The following CTNNA2 variants were observed in gnomAD, a reference collection of about 807,000 sequenced individuals.
The protein encoded by CTNNA2 is catenin alpha-2.
Under a neutral mutation model 101.0 loss-of-function variants are expected in CTNNA2, and 42 were observed. The observed-to-expected ratio is 0.42, with a 90% CI of 0.32 to 0.54. CTNNA2 has a LOEUF of 0.54. CTNNA2 is among the 20% of genes least tolerant of loss of function. The pLI is 0.14. For synonymous variants in CTNNA2, 450 were observed against 456.4 expected (o/e 0.99, Z 0.18); for missense variants, 871 against 1,223.1 (o/e 0.71, Z 4.29).
chr2:80,603,935 A>G (rs1432214643), intron 15 of CTNNA2, 139 bp from the exon 16 acceptor site: 2 of 595,910 alleles, frequency 3.4e-6, no homozygotes, highest in African/African-American at 3.8e-5. Context: ...GGAGTTAAGC[A>G]GGAAAATATT....
chr2:79,261,516 G>T (rs1674921301), intron 2 of CTNNA2, among the ~76,000 whole-genome samples: 1 of 152,214 alleles, frequency 6.6e-6, no homozygotes, highest in Non-Finnish European at 1.5e-5. Context: ...GAGGCTAGAA[G>T]TCCAAGATCA....
At chr2:80,084,155 G>T (rs111922405) in intron 7 of CTNNA2, among the ~76,000 whole-genome samples, 25 of 152,236 alleles carry the variant, frequency 1.6e-4, no homozygotes, top group African/African-American at 5.1e-4. Flanking sequence ...TGTTTGTAAT[G>T]GGATTTAGGA....
chr2:80,223,239 T>C (rs147277089), intron 7 of CTNNA2, among the ~76,000 whole-genome samples: 2 of 152,314 alleles, frequency 1.3e-5, no homozygotes, highest in African/African-American at 4.8e-5. Flanking sequence ...TAATGAAGAA[T>C]ACTTGTTTTC....
intron 2 of CTNNA2, among the ~76,000 whole-genome samples, chr2:79,676,236 GGA>G (rs1683176096): frequency 1.3e-5 from 2 of 152,184 alleles, no homozygotes; most frequent in Non-Finnish European, 2.9e-5. Flanking sequence ...AACTTTTAGT[GGA>G]TCAAGAACTG....
intron 1 of CTNNA2, among the ~76,000 whole-genome samples, chr2:79,625,396 T>A (rs1397148844): frequency 6.6e-6 from 1 of 151,932 alleles, no homozygotes. Flanking sequence ...GAGTGTAGAG[T>A]CATATTAGGG....
At chr2:80,501,188 T>C (rs1003673124) in intron 9 of CTNNA2, among the ~76,000 whole-genome samples, 2 of 152,254 alleles carry the variant, frequency 1.3e-5, no homozygotes, top group Non-Finnish European at 2.9e-5. Flanking sequence ...TTAATGATTA[T>C]ATCCCTTATA....
In CTNNA2 at chr2:79,432,766, T is replaced by C. The variant is rs1014786848; in HGVS notation, c.-135+58753T>C. On this transcript the variant is annotated intron_variant, in intron 4 of 21. Coordinates refer to the CTNNA2 transcript ENST00000466387. ...CAGGAAGGCATCAAAGAGAAACTTATTCTCTGTCTCAATTTTATCAAAGGC... is the reference window on the plus strand; with the variant it reads ...CAGGAAGGCATCAAAGAGAAACTTACTCTCTGTCTCAATTTTATCAAAGGC... Among the ~76,000 whole-genome samples the C allele has an allele frequency of 2.0e-5, 3 of 152,234 alleles. No individual in the cohort carries two copies. In the East Asian group the frequency reaches 5.8e-4, roughly 29 times the overall value.
intron 18 of CTNNA2, among the ~76,000 whole-genome samples, chr2:80,625,359 T>C (rs901335656): frequency 6.6e-6 from 1 of 152,028 alleles, no homozygotes; most frequent in Non-Finnish European, 1.5e-5. Flanking sequence ...CTATGAAATA[T>C]GTTTTTTCAA....
intron 1 of CTNNA2, among the ~76,000 whole-genome samples, chr2:79,529,786 T>G (rs1672631519): frequency 6.6e-6 from 1 of 152,000 alleles, no homozygotes; most frequent in Non-Finnish European, 1.5e-5. Context: ...GAGGCAGTTG[T>G]AAGATCAAAT....
chr2:80,458,990 A>G (rs1451106224), intron 9 of CTNNA2, among the ~76,000 whole-genome samples: 1 of 152,190 alleles, frequency 6.6e-6, no homozygotes, highest in Non-Finnish European at 1.5e-5. Flanking sequence ...TTTACTGGTA[A>G]CTTTTCTATG....
chr2:79,630,789 C>T (rs56886052), intron 1 of CTNNA2, among the ~76,000 whole-genome samples: 18,942 of 152,154 alleles, frequency 0.12, 1,582 homozygotes, highest in East Asian at 0.36. Context: ...TCCAGACACA[C>T]ACATTAAACA....
At chr2:79,597,501 TAGAG>T (rs1677278934) in intron 1 of CTNNA2, among the ~76,000 whole-genome samples, 1 of 151,336 alleles carries the variant, frequency 6.6e-6, no homozygotes, top group Non-Finnish European at 1.5e-5. Flanking sequence ...GCTGCCCCCT[TAGAG>T]AGTCTCGCAG....
chr2:80,578,850 G>A (rs1027515723), intron 13 of CTNNA2: 1 of 152,256 alleles, frequency 6.6e-6, no homozygotes, highest in East Asian at 1.9e-4. Flanking sequence ...TTAGCTGAAT[G>A]CCTGTCCCAT....
At chr2:79,324,749 C>T (rs1011549111) in intron 3 of CTNNA2, among the ~76,000 whole-genome samples, 1 of 149,828 alleles carries the variant, frequency 6.7e-6, no homozygotes, top group Admixed American at 6.7e-5. Flanking sequence ...CACACACACA[C>T]GTACACACAC....
intron 1 of CTNNA2, among the ~76,000 whole-genome samples, chr2:79,615,059 A>G (rs1678527485): frequency 6.6e-6 from 1 of 152,146 alleles, no homozygotes; most frequent in African/African-American, 2.4e-5. Flanking sequence ...ATTTTTCATT[A>G]TATTTGTTGA....
At position 79,612,110 on chromosome 2, in the gene CTNNA2, T is replaced by C. The variant is rs79361421; in HGVS notation, c.-5-39442T>C. Among the ~76,000 whole-genome samples, 556 of 152,294 alleles carry C rather than the reference T, an allele frequency of 3.7e-3. 28 individuals carry two copies. In the East Asian group the frequency reaches 0.09, roughly 25 times the overall value. The stretch of plus-strand genomic sequence containing the variant: ...ATGCCAATGTTGTGAGCTTAGCAAC[T>C]GTTTGATTATTTCAAAAACAAGTTT... On this transcript the variant is annotated intron_variant, in intron 1 of 18. Coordinates refer to ENST00000402739, the MANE Select transcript of CTNNA2 (RefSeq NM_001282597.3).
intron 4 of CTNNA2, among the ~76,000 whole-genome samples, chr2:79,403,737 A>T: frequency 6.6e-6 from 1 of 152,054 alleles, no homozygotes; most frequent in East Asian, 1.9e-4. Flanking sequence ...GGTTAGACCC[A>T]TTTGACTAAC....
intron 3 of CTNNA2, among the ~76,000 whole-genome samples, chr2:79,850,466 G>GCTTC (rs1382759184): frequency 7.2e-6 from 1 of 138,486 alleles, no homozygotes; most frequent in Non-Finnish European, 1.5e-5. Flanking sequence ...TCCCTTGCTT[G>GCTTC]CTTCCTTCCT....
At chr2:80,613,336 A>G (rs1234087009) in intron 17 of CTNNA2, among the ~76,000 whole-genome samples, 1 of 151,416 alleles carries the variant, frequency 6.6e-6, no homozygotes, top group Non-Finnish European at 1.5e-5. Flanking sequence ...GGTTTTTTTC[A>G]CTGAACATTC....
Sources: allele counts gnomAD v4.1 joint callset (sites outside exome capture counted in the v4.1 genomes callset), GRCh38; gene constraint gnomAD v4.1.1; transcripts MANE v1.5; gene names NCBI Gene and HGNC (gene_info 2026-07-23, HGNC 2026-07-21).